The following SLC35F3 variants were observed in gnomAD, a reference collection of about 807,000 sequenced individuals.
SLC35F3 encodes the protein solute carrier family 35 member F3.
In SLC35F3, 25 loss-of-function variants were observed where a neutral mutation model predicts 49.9. That is an observed-to-expected ratio of 0.50 (90% CI 0.37 to 0.70). SLC35F3 has a LOEUF of 0.70. Ranked by LOEUF, SLC35F3 falls within the 30% of genes least tolerant of loss-of-function variation. The probability of loss-of-function intolerance (pLI) is 0.00; values close to 1 mark genes in which losing one functional copy is unlikely to be tolerated. For synonymous variants in SLC35F3, 275 were observed against 265.4 expected, an observed-to-expected ratio of 1.04 and a Z score of -0.35; for missense variants, 525 against 639.8, an observed-to-expected ratio of 0.82 and a Z score of 1.94.
intron 2 of SLC35F3, among the ~76,000 whole-genome samples, chr1:234,004,579 T>TC (rs71574893): frequency 0.63 from 95,681 of 151,844 alleles, 30,412 homozygotes; most frequent in Non-Finnish European, 0.67. Context: ...GAAAATAGAC[T>TC]CTGTATTGAG....
intron 2 of SLC35F3, among the ~76,000 whole-genome samples, chr1:233,924,193 T>A (rs1466670356): frequency 6.6e-6 from 1 of 152,214 alleles, no homozygotes; most frequent in African/African-American, 2.4e-5. Context: ...TTTTTTCTGT[T>A]GATTGGAATA....
intron 2 of SLC35F3, among the ~76,000 whole-genome samples, chr1:233,927,612 A>G (rs1432228719): frequency 6.6e-6 from 1 of 152,098 alleles, no homozygotes; most frequent in Non-Finnish European, 1.5e-5. Flanking sequence ...GTACTAATAA[A>G]AACTGAAATT....
intron 2 of SLC35F3, among the ~76,000 whole-genome samples, chr1:234,018,739 C>T (rs1314882513): frequency 1.3e-5 from 2 of 152,204 alleles, no homozygotes; most frequent in South Asian, 4.1e-4. Context: ...ATTCAAGCAT[C>T]TCTGCCAAAA....
chr1:234,304,074 T>TCTTC (rs371955402), intron 3 of SLC35F3, among the ~76,000 whole-genome samples: 1 of 22,942 alleles, frequency 4.4e-5, no homozygotes, highest in Non-Finnish European at 1.0e-4. Context: ...TTCCTTCCTT[T>TCTTC]CTTCCTTCCT....
intron 2 of SLC35F3, among the ~76,000 whole-genome samples, chr1:233,986,714 T>G (rs1231564096): frequency 6.6e-6 from 1 of 152,198 alleles, no homozygotes; most frequent in Non-Finnish European, 1.5e-5. Context: ...GCCCATACCC[T>G]TCAACAGATG....
intron 2 of SLC35F3, among the ~76,000 whole-genome samples, chr1:233,985,889 G>A (rs551615375): frequency 3.3e-5 from 5 of 152,310 alleles, no homozygotes; most frequent in South Asian, 4.1e-4. Context: ...TCAAACAAAC[G>A]TTCTTGTTGT....
At chr1:234,228,018 A>G (rs1263366748) in intron 2 of SLC35F3, among the ~76,000 whole-genome samples, 2 of 152,216 alleles carry the variant, frequency 1.3e-5, no homozygotes, top group Admixed American at 1.3e-4. Context: ...TTCTTCAACT[A>G]ATTATATTAC....
chr1:233,926,881 A>C (rs528864079), intron 2 of SLC35F3, among the ~76,000 whole-genome samples: 2 of 151,958 alleles, frequency 1.3e-5, no homozygotes, highest in Non-Finnish European at 2.9e-5. Context: ...TTTTCCTTCT[A>C]ACAGTCAGGA....
chr1:233,945,101 A>G (rs908253399), intron 2 of SLC35F3, among the ~76,000 whole-genome samples: 3 of 152,016 alleles, frequency 2.0e-5, no homozygotes, highest in African/African-American at 7.2e-5. Flanking sequence ...TTGAAAATCC[A>G]TACAAGGAGA....
intron 2 of SLC35F3, among the ~76,000 whole-genome samples, chr1:233,907,060 CAA>C (rs897038621): frequency 6.6e-6 from 1 of 152,078 alleles, no homozygotes; most frequent in African/African-American, 2.4e-5. Flanking sequence ...CATGGGATAA[CAA>C]AAATTAAACC....
At chr1:234,182,835 T>G in intron 2 of SLC35F3, among the ~76,000 whole-genome samples, 1 of 152,242 alleles carries the variant, frequency 6.6e-6, no homozygotes, top group East Asian at 1.9e-4. Context: ...GAGCATATAG[T>G]GAAGTGCTAT....
chr1:234,127,694 A>G (rs932570972), intron 2 of SLC35F3, among the ~76,000 whole-genome samples: 1 of 152,198 alleles, frequency 6.6e-6, no homozygotes, highest in African/African-American at 2.4e-5. Context: ...AAGTATTACC[A>G]TAATAAAAGC....
At chr1:234,235,202 C>G (rs1463075838) in intron 3 of SLC35F3, among the ~76,000 whole-genome samples, 1 of 152,176 alleles carries the variant, frequency 6.6e-6, no homozygotes, top group Non-Finnish European at 1.5e-5. Context: ...CCTTAGTCTT[C>G]CTAGCAAGCA....
rs1240057562 is a variant in SLC35F3, at chr1:234,027,513, TG to T, written c.283+121757del. Among the ~76,000 whole-genome samples the T allele has an allele frequency of 6.6e-6, 1 of 152,122 alleles. No individual in the cohort carries two copies. The highest frequency in any genetic ancestry group is 1.5e-5 in the Non-Finnish European group (1 of 68,010). The stretch of plus-strand genomic sequence containing the variant: ...CTTTCAATTTCAGTCCATTCGGTAG[TG>T]GTTTAAAGAATGGAGAGTGGGGTCT... On this transcript the variant is annotated intron_variant, in intron 2 of 7. Coordinates refer to ENST00000366618, the MANE Select transcript of SLC35F3 (RefSeq NM_173508.4). The surrounding 1 kb of genome is among the most constrained non-coding windows in gnomAD (Gnocchi z 4.1).
chr1:233,946,949 G>C (rs570699019), intron 2 of SLC35F3, among the ~76,000 whole-genome samples: 2 of 152,280 alleles, frequency 1.3e-5, no homozygotes, highest in East Asian at 3.9e-4. Flanking sequence ...TGAAATGGGA[G>C]AGCTGGATTA....
chr1:234,292,285 C>G (rs1668521855), intron 3 of SLC35F3, among the ~76,000 whole-genome samples: 1 of 152,218 alleles, frequency 6.6e-6, no homozygotes, highest in Non-Finnish European at 1.5e-5. Flanking sequence ...CAGTGGCCCT[C>G]TACAGATCAG....
Position 234,316,725 on chromosome 1 carries a change from A to G in SLC35F3, c.952A>G (p.Lys318Glu), listed in dbSNP as rs1657499167. ...VASASMSALY[K>E]VLFKLLLGSA... is the part of the protein sequence containing the mutation. ...CTCAGCATCGATGTCTGCCCTCTACAAGGTACGCCCGGGGAGTGAACTTTC... is the reference window on the plus strand; with the variant it reads ...CTCAGCATCGATGTCTGCCCTCTACGAGGTACGCCCGGGGAGTGAACTTTC... Residue 318 changes from lysine to glutamate, a missense_variant and splice_region_variant, in exon 5 of 8, where the codon AAG becomes GAG. Lys to Glu is a moderately conservative substitution (Grantham distance 56). This residue lies in a region of SLC35F3 where 216 missense variants were observed against 298.1 expected (regional missense o/e 0.72). Coordinates refer to ENST00000366618, the MANE Select transcript of SLC35F3 (RefSeq NM_173508.4). 6.2e-7 allele frequency: 1 copy of G among 1,605,020 alleles called. No individual in the cohort carries two copies. The highest frequency in any genetic ancestry group is 1.7e-5 in the Admixed American group (1 of 59,848).
At chr1:234,162,076 C>T (rs1333896526) in intron 2 of SLC35F3, among the ~76,000 whole-genome samples, 1 of 152,112 alleles carries the variant, frequency 6.6e-6, no homozygotes, top group Non-Finnish European at 1.5e-5. Flanking sequence ...ACTGATTTAC[C>T]CTGCAGCAGG....
intron 2 of SLC35F3, among the ~76,000 whole-genome samples, chr1:233,947,040 G>T (rs1372275165): frequency 6.6e-6 from 1 of 152,138 alleles, no homozygotes; most frequent in Non-Finnish European, 1.5e-5. Flanking sequence ...TGGGAGCAGT[G>T]GGTCACCTGC....
Sources: gnomAD v4.1 joint callset for allele counts (sites outside exome capture counted in the v4.1 genomes callset) on GRCh38, gnomAD v4.1.1 for gene constraint, gnomAD v4.1.1 regional missense constraint, Gnocchi (gnomAD v3.1) non-coding constraint, MANE v1.5 for transcripts, NCBI Gene and HGNC (gene_info 2026-07-23, HGNC 2026-07-21) for gene names.